CCDC85A: variants seen among roughly 807,000 people sequenced by gnomAD.
CCDC85A encodes coiled-coil domain-containing protein 85A.
CCDC85A carries 38 observed loss-of-function variants against 50.2 expected under a neutral mutation model. The observed-to-expected ratio is 0.76, with a 90% CI of 0.58 to 0.99. The LOEUF is 0.99. Ranked by LOEUF, CCDC85A falls within the 50% of genes least tolerant of loss-of-function variation. The pLI is 0.00. For missense variants in CCDC85A, 820 were observed against 742.0 expected (o/e 1.11, Z -1.22); for synonymous variants, 366 against 301.4 (o/e 1.21, Z -2.22).
rs569080161 is a variant in CCDC85A at position 56,219,933 on chromosome 2, G to A, written c.1240+26493G>A. On this transcript the variant is annotated intron_variant, in intron 2 of 5. Transcript: ENST00000407595. ...GCCAGAAACAATGACAATACAATGTGGTAAATGTAATAGAGATAAGTGCAG... is the reference window on the plus strand; with the variant it reads ...GCCAGAAACAATGACAATACAATGTAGTAAATGTAATAGAGATAAGTGCAG... Among the ~76,000 whole-genome samples the A allele has an allele frequency of 5.3e-5, 8 of 152,044 alleles. No homozygotes were observed. In the South Asian group the frequency reaches 1.7e-3, roughly 32 times the overall value.
intron 2 of CCDC85A, among the ~76,000 whole-genome samples, chr2:56,251,190 G>C (rs1287095484): frequency 3.3e-5 from 5 of 152,202 alleles, no homozygotes; most frequent in Admixed American, 2.0e-4. Flanking sequence ...GGTCGCTTTA[G>C]ACCTTTCTTA....
Position 56,372,466 on chromosome 2 carries a change from G to A in CCDC85A, c.1440G>A (p.Leu480=), listed in dbSNP as rs1485095961. 6.2e-7 allele frequency: 1 copy of A among 1,605,160 alleles called. No individual in the cohort carries two copies. The highest frequency in any genetic ancestry group is 1.1e-5 in the South Asian group (1 of 89,330). ...GGTGCCGAGGAATAGGACGATGCCT[G>A]CCTACTCTCCCGGTGAGTGAAGATG... ...WQGCRGIGRC[L]PTLPGSFRLS... Residue 480 remains leucine (L), a synonymous_variant, in exon 4 of 6, where the codon CTG becomes CTA. Transcript: ENST00000407595.
At chr2:56,250,774 A>C (rs1252005855) in intron 2 of CCDC85A, among the ~76,000 whole-genome samples, 1 of 152,218 alleles carries the variant, frequency 6.6e-6, no homozygotes, top group African/African-American at 2.4e-5. Context: ...TCATTGAGTT[A>C]TCATTTGTCA....
chr2:56,381,123 T>A lies in CCDC85A; in HGVS notation c.1573-3143T>A, dbSNP rs142211461. On this transcript the variant is annotated intron_variant, in intron 5 of 5. Coordinates refer to ENST00000407595, the MANE Select transcript of CCDC85A (RefSeq NM_001080433.2). ...TGCTTGCCTGTGTTGTGGCTGATTT[T>A]TCTCTTCCCACCCTTCCTAAGTTAT... is the stretch of plus-strand genomic sequence containing the variant. 2.2e-3 allele frequency among the ~76,000 whole-genome samples: 329 copies of A among 152,192 alleles called. 1 individual carries two copies. The highest frequency in any genetic ancestry group is 7.5e-3 in the African/African-American group (312 of 41,542).
chr2:56,198,018 C>A (rs1676596462), intron 2 of CCDC85A, among the ~76,000 whole-genome samples: 1 of 69,770 alleles, frequency 1.4e-5, no homozygotes, highest in South Asian at 7.7e-4. Context: ...TATTGCATTT[C>A]AAATCTCCCA....
At chr2:56,373,408 G>T (rs2104393348) in intron 4 of CCDC85A, among the ~76,000 whole-genome samples, 1 of 151,142 alleles carries the variant, frequency 6.6e-6, no homozygotes, top group East Asian at 1.9e-4. Flanking sequence ...TTTTTTAATA[G>T]ATATGGCCAG....
intron 2 of CCDC85A, among the ~76,000 whole-genome samples, chr2:56,275,483 ACACCAGCTATTTAACATCATATAGAC>A (rs1008185822): frequency 1.2e-4 from 10 of 81,384 alleles, no homozygotes; most frequent in East Asian, 8.1e-4. Flanking sequence ...TATAGACCTT[ACACCAGCTATTTAACATCATATAGAC>A]CACTCATTTT....
chr2:56,304,641 A>C (rs996914176), intron 2 of CCDC85A, among the ~76,000 whole-genome samples: 1 of 152,216 alleles, frequency 6.6e-6, no homozygotes, highest in African/African-American at 2.4e-5. Context: ...GGGTTCACCT[A>C]CTGCTCACTC....
At chr2:56,277,200 A>G (rs565790137) in intron 2 of CCDC85A, among the ~76,000 whole-genome samples, 2 of 152,180 alleles carry the variant, frequency 1.3e-5, no homozygotes, top group African/African-American at 4.8e-5. Flanking sequence ...GTTTCTACCT[A>G]TGCCTTTTAT....
chr2:56,192,627 T>C lies in CCDC85A; in HGVS notation c.427T>C (p.Leu143=). The C allele has an allele frequency of 6.2e-7, 1 of 1,613,788 alleles. No homozygotes were observed. The highest frequency in any genetic ancestry group is 8.5e-7 in the Non-Finnish European group (1 of 1,179,832). Residue 143 remains leucine (L), a synonymous_variant, in exon 2 of 6, where the codon TTA becomes CTA. Transcript: ENST00000407595. This position sits in a 1 kb window ranked among gnomAD's most constrained non-coding sequence, Gnocchi z 4.7. ...CGGGGTGATGCACAAGGAAGTGGCC[T>C]TATACCTGCAGAAGCTGAAAGACCT... is the stretch of plus-strand genomic sequence containing the variant. ...TAGVMHKEVA[L]YLQKLKDLEV...
chr2:56,279,199 A>G (rs983801586), intron 2 of CCDC85A, among the ~76,000 whole-genome samples: 1 of 152,190 alleles, frequency 6.6e-6, no homozygotes, highest in Admixed American at 6.5e-5. Context: ...TATCTTCTCA[A>G]GGTCTTTGGG....
chr2:56,250,341 C>T (rs1669699200), intron 2 of CCDC85A, among the ~76,000 whole-genome samples: 1 of 152,144 alleles, frequency 6.6e-6, no homozygotes, highest in Admixed American at 6.5e-5. Context: ...ACCCTTTGTA[C>T]CCAAGCCTGT....
At chr2:56,266,284 A>G (rs979331586) in intron 2 of CCDC85A, among the ~76,000 whole-genome samples, 4 of 152,172 alleles carry the variant, frequency 2.6e-5, no homozygotes, top group African/African-American at 9.6e-5. Context: ...AAACTAGCTG[A>G]AAGAATGTGG....
chr2:56,252,361 T>A (rs768670986), intron 2 of CCDC85A, among the ~76,000 whole-genome samples: 9 of 152,142 alleles, frequency 5.9e-5, no homozygotes, highest in Non-Finnish European at 1.0e-4. Flanking sequence ...AACTATTTTT[T>A]AAGTACTTAA....
chr2:56,266,540 C>G lies in CCDC85A; in HGVS notation c.1240+73100C>G, dbSNP rs548169172. ...AGATGTATCAAAACATCACATTATGCCCAATAAATATATATAATTGTCAAT... is the reference window on the plus strand; with the variant it reads ...AGATGTATCAAAACATCACATTATGGCCAATAAATATATATAATTGTCAAT... On this transcript the variant is annotated intron_variant, in intron 2 of 5. Transcript: ENST00000407595. 9.2e-4 allele frequency among the ~76,000 whole-genome samples: 138 copies of G among 149,352 alleles called. 2 individuals carry two copies. Among genetic ancestry groups the G allele is most frequent in the African/African-American group, 3.3e-3 (136 of 41,132 alleles).
chr2:56,270,810 T>C (rs894861329), intron 2 of CCDC85A, among the ~76,000 whole-genome samples: 7 of 152,186 alleles, frequency 4.6e-5, no homozygotes, highest in Non-Finnish European at 7.3e-5. Context: ...ACAGGGTCCA[T>C]GTGATGCTTC....
intron 1 of CCDC85A, among the ~76,000 whole-genome samples, chr2:56,186,065 G>A (rs140640863): frequency 6.6e-6 from 1 of 152,332 alleles, no homozygotes; most frequent in Non-Finnish European, 1.5e-5. Flanking sequence ...AGAGTGGAAT[G>A]CTCAAGGCTC....
intron 5 of CCDC85A, among the ~76,000 whole-genome samples, chr2:56,381,101 T>A (rs1676564605): frequency 6.6e-6 from 1 of 152,082 alleles, no homozygotes. Flanking sequence ...AGTCTCTTGC[T>A]TGCCTGTGTT....
chr2:56,363,827 A>G (rs1381638282), intron 3 of CCDC85A, among the ~76,000 whole-genome samples: 2 of 152,282 alleles, frequency 1.3e-5, no homozygotes, highest in South Asian at 2.1e-4. Context: ...CTTCTTTGCC[A>G]TTGCATCCAT....
Sources: gnomAD v4.1 joint callset for allele counts (sites outside exome capture counted in the v4.1 genomes callset) on GRCh38, gnomAD v4.1.1 for gene constraint, Gnocchi (gnomAD v3.1) non-coding constraint, MANE v1.5 for transcripts, NCBI Gene and HGNC (gene_info 2026-07-23, HGNC 2026-07-21) for gene names.